The following MECOM variants were observed in gnomAD, a reference collection of about 807,000 sequenced individuals.
MECOM encodes MDS1 and EVI1 complex locus.
A neutral mutation model predicts 116.3 loss-of-function variants in MECOM; 13 were observed. The ratio of observed to expected loss-of-function variants is 0.11; its 90% CI spans 0.07 to 0.18. The LOEUF is 0.18. MECOM is among the 10% of genes least tolerant of loss of function. The pLI is 1.00. For missense variants in MECOM, 1,299 were observed against 1,509.0 expected (o/e 0.86, Z 2.31); for synonymous variants, 528 against 535.2 (o/e 0.99, Z 0.19).
In MECOM at chr3:169,339,788, G is replaced by A. The variant is rs146790027; in HGVS notation, c.375+41399C>T. On this transcript the variant is annotated intron_variant, in intron 2 of 16. Transcript: ENST00000651503. Reference sequence around the variant, plus strand: ...AAACTAAACTGAAATCACCAAATTTGCTCTCATATAGATGGGTTATGTACA... The same window carrying A: ...AAACTAAACTGAAATCACCAAATTTACTCTCATATAGATGGGTTATGTACA... Among the ~76,000 whole-genome samples the A allele has an allele frequency of 2.0e-3, 311 of 152,220 alleles. 2 individuals are homozygous for A. The highest frequency in any genetic ancestry group is 5.4e-3 in the Admixed American group (83 of 15,276).
At chr3:169,218,929 C>G (rs1302990466) in intron 2 of MECOM, among the ~76,000 whole-genome samples, 1 of 152,042 alleles carries the variant, frequency 6.6e-6, no homozygotes, top group Non-Finnish European at 1.5e-5. Context: ...CCTTCTACAC[C>G]ACACACCTAC....
intron 2 of MECOM, among the ~76,000 whole-genome samples, chr3:169,261,023 C>CT: frequency 6.6e-6 from 1 of 152,102 alleles, no homozygotes. Flanking sequence ...TAATAGAGCA[C>CT]TTTTTTTTCT....
chr3:169,204,501 T>C (rs1199727976), intron 2 of MECOM, among the ~76,000 whole-genome samples: 2 of 152,224 alleles, frequency 1.3e-5, no homozygotes, highest in Admixed American at 1.3e-4. Flanking sequence ...GAATTATTTA[T>C]ATGCCCCTGC....
At chr3:169,268,181 T>A (rs889524337) in intron 2 of MECOM, among the ~76,000 whole-genome samples, 1 of 152,182 alleles carries the variant, frequency 6.6e-6, no homozygotes, top group Non-Finnish European at 1.5e-5. Context: ...TGATAGCTTT[T>A]CATACCAACC....
intron 1 of MECOM, among the ~76,000 whole-genome samples, chr3:169,594,265 A>C (rs1766857584): frequency 6.6e-6 from 1 of 152,048 alleles, no homozygotes; most frequent in Non-Finnish European, 1.5e-5. Flanking sequence ...AGCATAAAGA[A>C]AAACAGAAGC....
chr3:169,187,260 C>T (rs548149895), intron 2 of MECOM, among the ~76,000 whole-genome samples: 4 of 152,198 alleles, frequency 2.6e-5, no homozygotes, highest in African/African-American at 9.6e-5. Flanking sequence ...AACCTCTCAC[C>T]TTACTGACAG....
intron 2 of MECOM, among the ~76,000 whole-genome samples, chr3:169,173,016 A>G (rs1454920188): frequency 6.6e-6 from 1 of 152,188 alleles, no homozygotes; most frequent in Non-Finnish European, 1.5e-5. Context: ...TGATTTTTCC[A>G]TAGTTTACTC....
intron 7 of MECOM, among the ~76,000 whole-genome samples, chr3:169,117,323 A>G (rs566819543): frequency 2.1e-4 from 32 of 152,308 alleles, no homozygotes; most frequent in Non-Finnish European, 3.7e-4. Flanking sequence ...AAGCCACACA[A>G]CAATGCACAT....
At chr3:169,371,643 G>A (rs1005823694) in intron 2 of MECOM, among the ~76,000 whole-genome samples, 10 of 151,836 alleles carry the variant, frequency 6.6e-5, no homozygotes, top group African/African-American at 9.7e-5. Flanking sequence ...CACCTTGAAT[G>A]TATACAATTA....
At chr3:169,659,440 ATTTTTTTTTTTTTTTTTTTTTTTT>A (rs56270349) in intron 1 of MECOM, among the ~76,000 whole-genome samples, 4 of 62,138 alleles carry the variant, frequency 6.4e-5, no homozygotes, top group Non-Finnish European at 1.1e-4. Context: ...CTAAACACAG[ATTTTTTTTTTTTTTTTTTTTTTTT>A]TTTTTTTTTG....
chr3:169,441,691 A>G (rs1743698978), intron 1 of MECOM, among the ~76,000 whole-genome samples: 2 of 150,870 alleles, frequency 1.3e-5, no homozygotes, highest in Non-Finnish European at 3.0e-5. Flanking sequence ...GAAATAAAAG[A>G]TGCTTTTTTT....
intron 2 of MECOM, among the ~76,000 whole-genome samples, chr3:169,181,274 C>A (rs1270615529): frequency 1.3e-5 from 2 of 152,090 alleles, no homozygotes; most frequent in Non-Finnish European, 2.9e-5. Context: ...CAGCTACTAG[C>A]CACATGTGGT....
rs531114432 is a variant in MECOM, at chr3:169,483,542, G to A, written c.38-102018C>T. On this transcript the variant is annotated intron_variant, in intron 1 of 16. Coordinates refer to ENST00000651503, the MANE Select transcript of MECOM (RefSeq NM_004991.4). ...TACAAATAAATGAGTGGCGAACCAA[G>A]GGAAGCCCTTTGACTATGATTTCCA... 3.9e-4 allele frequency: 245 copies of A among 633,318 alleles called. No individual in the cohort carries two copies. In the African/African-American group the frequency reaches 4.5e-3, roughly 12 times the overall value. The allele number at this position is 633,318 out of a possible 1,614,324, so 39.2% of individuals were successfully genotyped here. A position where few individuals can be genotyped will look rare whatever the true frequency, so the allele number is the denominator to read the frequency against.
intron 2 of MECOM, among the ~76,000 whole-genome samples, chr3:169,149,963 GTGTGTGTGTGTGTGTC>G (rs1297350560): frequency 1.3e-5 from 2 of 150,476 alleles, no homozygotes; most frequent in South Asian, 2.1e-4. Flanking sequence ...GTGTGTGTGT[GTGTGTGTGTGTGTGTC>G]TGTCTGTCTG....
chr3:169,663,361 T>G lies in MECOM; in HGVS notation c.12A>C (p.Lys4Asn), dbSNP rs1013793867. ...TTGTGGCCAGTTTCCTTGCCCTGCC[T>G]TTGGATCTCATGCTGTGCCCAGTCC... MRSKGRARKLATNN... is the reference protein window; with the variant it reads MRSNGRARKLATNN... Residue 4 changes from lysine to asparagine, a missense_variant, in exon 1 of 17, where the codon AAA becomes AAC. This residue lies in a region of MECOM where 374 missense variants were observed against 433.4 expected (regional missense o/e 0.86). Transcript: ENST00000651503. The G allele has an allele frequency of 1.2e-6, 2 of 1,610,652 alleles. No homozygotes were observed. Among genetic ancestry groups the G allele is most frequent in the African/African-American group, 2.7e-5 (2 of 74,882 alleles).
chr3:169,124,658 G>C (rs1732234578), intron 5 of MECOM, among the ~76,000 whole-genome samples: 1 of 152,024 alleles, frequency 6.6e-6, no homozygotes, highest in South Asian at 2.1e-4. Flanking sequence ...ATGATATACT[G>C]TCCAGAATTT....
chr3:169,276,475 A>G (rs1360883780), intron 2 of MECOM, among the ~76,000 whole-genome samples: 1 of 148,564 alleles, frequency 6.7e-6, no homozygotes, highest in Non-Finnish European at 1.5e-5. Context: ...ATTGCTTGAA[A>G]CCGGGAGGCA....
chr3:169,632,389 C>T (rs895451497), intron 1 of MECOM, among the ~76,000 whole-genome samples: 8 of 145,846 alleles, frequency 5.5e-5, no homozygotes, highest in Non-Finnish European at 7.6e-5. Flanking sequence ...GGTAATACTT[C>T]GGAGAAAAAA....
chr3:169,452,358 A>G (rs1578140032), intron 1 of MECOM, among the ~76,000 whole-genome samples: 1 of 152,216 alleles, frequency 6.6e-6, no homozygotes, highest in East Asian at 1.9e-4. Context: ...TAAATAAGTT[A>G]ACATATGGGA....
Sources: allele counts gnomAD v4.1 joint callset (sites outside exome capture counted in the v4.1 genomes callset), GRCh38; gene constraint gnomAD v4.1.1; regional missense constraint gnomAD v4.1.1; transcripts MANE v1.5; gene names NCBI Gene and HGNC (gene_info 2026-07-23, HGNC 2026-07-21).